Variants in TRPS1 observed in about 807,000 individuals in gnomAD.
TRPS1 encodes the protein zinc finger transcription factor Trps1.
A neutral mutation model predicts 101.2 loss-of-function variants in TRPS1; 6 were observed. That is an observed-to-expected ratio of 0.06 (90% CI 0.03 to 0.12). The LOEUF (loss-of-function observed/expected upper bound fraction) is 0.12. Among genes scored for constraint, TRPS1 ranks in the 10% least tolerant of loss-of-function variants. The pLI, the probability that TRPS1 is intolerant of heterozygous loss-of-function variation, is 1.00. For missense variants in TRPS1, 1,363 were observed against 1,567.0 expected (o/e 0.87, Z 2.20); for synonymous variants, 578 against 589.8 (o/e 0.98, Z 0.29).
At chr8:115,640,735 G>A (rs1462784893) in intron 1 of TRPS1, among the ~76,000 whole-genome samples, 3 of 152,240 alleles carry the variant, frequency 2.0e-5, no homozygotes, top group Non-Finnish European at 2.9e-5. Flanking sequence ...ATCCGTAAGT[G>A]TTGAAGGGCG....
At position 115,512,700 on chromosome 8, in the gene TRPS1, A is replaced by T. The variant is rs138185501; in HGVS notation, c.2700+74301T>A. On this transcript the variant is annotated intron_variant, in intron 5 of 6. Transcript: ENST00000395715. ...TCTATCATACTCTTAGATTTTGGTCAAAACTTACTCCATTAAAGTTTGTGT... is the reference window on the plus strand; with the variant it reads ...TCTATCATACTCTTAGATTTTGGTCTAAACTTACTCCATTAAAGTTTGTGT... 2.0e-5 allele frequency among the ~76,000 whole-genome samples: 3 copies of T among 151,750 alleles called. No individual in the cohort carries two copies. The East Asian group carries it at 5.8e-4, about 29-fold the overall frequency.
rs1327035948 is a variant in TRPS1, at chr8:115,418,642, GAT to G, written c.2701-192_2701-191del. Among the ~76,000 whole-genome samples, 4 of 152,188 alleles carry G rather than the reference GAT, an allele frequency of 2.6e-5. No homozygotes were observed. Among genetic ancestry groups the G allele is most frequent in the Non-Finnish European group, 5.9e-5 (4 of 68,040 alleles). On this transcript the variant is annotated intron_variant, in intron 5 of 6. Coordinates refer to ENST00000395715, the MANE Select transcript of TRPS1 (RefSeq NM_014112.5). The surrounding 1 kb of genome is among the most constrained non-coding windows in gnomAD (Gnocchi z 4.3). ...TTTTCATTATAATTAACCCTACAGT[GAT>G]GGATGAGGTGTGTGGAACACCAAAG...
chr8:115,432,264 T>A (rs1813338719), intron 5 of TRPS1, among the ~76,000 whole-genome samples: 1 of 151,794 alleles, frequency 6.6e-6, no homozygotes, highest in African/African-American at 2.4e-5. Context: ...TATTTATGCA[T>A]AATTTTAAAA....
chr8:115,421,372 C>T (rs1813049995), intron 5 of TRPS1, among the ~76,000 whole-genome samples: 1 of 152,160 alleles, frequency 6.6e-6, no homozygotes, highest in Non-Finnish European at 1.5e-5. Flanking sequence ...CAAGAGGATT[C>T]AACTGTGATT....
intron 5 of TRPS1, among the ~76,000 whole-genome samples, chr8:115,548,067 A>AT (rs1363007268): frequency 2.0e-5 from 3 of 149,922 alleles, no homozygotes; most frequent in Non-Finnish European, 4.4e-5. Context: ...CCATCTCTAC[A>AT]TAAAAAAAAA....
Position 115,506,336 on chromosome 8 carries a change from A to G in TRPS1, c.2700+80665T>C, listed in dbSNP as rs184121337. On this transcript the variant is annotated intron_variant, in intron 5 of 6. Transcript: ENST00000395715. ...GCTCTGAGATGACTACGGTTGAGTA[A>G]TTTATTGTCAAATATAATTGAGAAT... Among the ~76,000 whole-genome samples, 11 of 152,158 alleles carry G rather than the reference A, an allele frequency of 7.2e-5. No individual in the cohort carries two copies. In the East Asian group the frequency reaches 2.1e-3, roughly 29 times the overall value.
chr8:115,554,355 C>T (rs1272521008), intron 5 of TRPS1, among the ~76,000 whole-genome samples: 1 of 152,072 alleles, frequency 6.6e-6, no homozygotes, highest in Non-Finnish European at 1.5e-5. Context: ...ACATCCAGGC[C>T]CTACCTAGGG....
intron 5 of TRPS1, among the ~76,000 whole-genome samples, chr8:115,485,395 C>G (rs1045461350): frequency 6.6e-6 from 1 of 152,158 alleles, no homozygotes; most frequent in African/African-American, 2.4e-5. Context: ...GTAGTGAGAC[C>G]CTGAACAGAA....
Position 115,410,332 on chromosome 8 carries a change from A to AC in TRPS1, c.*3690dup, listed in dbSNP as rs1198081117. The AC allele has an allele frequency of 6.6e-6, 1 of 152,504 alleles. No individual in the cohort carries two copies. Among genetic ancestry groups the AC allele is most frequent in the Admixed American group, 6.6e-5 (1 of 15,234 alleles). The allele number at this position is 152,504 out of a possible 1,614,324, so 9.4% of individuals were successfully genotyped here. On this transcript the variant is annotated 3_prime_UTR_variant, in exon 7 of 7. Coordinates refer to ENST00000395715, the MANE Select transcript of TRPS1 (RefSeq NM_014112.5). ...TGTGCAATTATAAACATAATGTGCT[A>AC]CCACAGGCTTCAACAAAGAGCTGTT...
chr8:115,623,608 A>T lies in TRPS1; in HGVS notation c.30T>A (p.Asp10Glu). 1.2e-6 allele frequency: 2 copies of T among 1,612,156 alleles called. No homozygotes were observed. The highest frequency in any genetic ancestry group is 8.5e-7 in the Non-Finnish European group (1 of 1,179,064). MPYEVNAGY[D>E]FTNMVRKKNP... Reference sequence around the variant, plus strand: ...AAAAAATAGATCACATACTTGTAAAATCATACCCAGCATTGACTTCATAAG... The same window carrying T: ...AAAAAATAGATCACATACTTGTAAATTCATACCCAGCATTGACTTCATAAG... Residue 10 changes from aspartate (D) to glutamate (E), a missense_variant, in exon 2 of 7, where the codon GAT becomes GAA. Coordinates refer to ENST00000395715, the MANE Select transcript of TRPS1 (RefSeq NM_014112.5).
chr8:115,595,213 C>T (rs1817759920), intron 4 of TRPS1, among the ~76,000 whole-genome samples: 1 of 151,778 alleles, frequency 6.6e-6, no homozygotes, highest in African/African-American at 2.4e-5. Flanking sequence ...GGTCTGAAAT[C>T]TAATAAAGTT....
intron 5 of TRPS1, among the ~76,000 whole-genome samples, chr8:115,559,590 T>A (rs1816901121): frequency 1.3e-5 from 2 of 152,126 alleles, no homozygotes; most frequent in African/African-American, 4.8e-5. Context: ...AAAGCCCTGC[T>A]CTCAGCAGAC....
chr8:115,544,230 GC>G (rs1391301694), intron 5 of TRPS1, among the ~76,000 whole-genome samples: 1 of 150,682 alleles, frequency 6.6e-6, no homozygotes, highest in East Asian at 1.9e-4. Context: ...TTAACTCCCA[GC>G]CAGCCACTTG....
intron 1 of TRPS1, chr8:115,668,007 T>G: frequency 9.5e-7 from 1 of 1,049,556 alleles, no homozygotes; most frequent in Non-Finnish European, 1.4e-6. Context: ...AGGAGAGAAT[T>G]AAAATCAGCC....
intron 5 of TRPS1, among the ~76,000 whole-genome samples, chr8:115,457,065 A>C (rs1470207700): frequency 6.6e-6 from 1 of 152,144 alleles, no homozygotes; most frequent in African/African-American, 2.4e-5. Context: ...AAAATGCTCC[A>C]TTCAAATGAT....
At chr8:115,479,598 T>C (rs1814700354) in intron 5 of TRPS1, among the ~76,000 whole-genome samples, 1 of 152,178 alleles carries the variant, frequency 6.6e-6, no homozygotes. Flanking sequence ...CATTTGGGTA[T>C]TTTATAAAAT....
intron 1 of TRPS1, among the ~76,000 whole-genome samples, chr8:115,667,092 G>A (rs1358497149): frequency 6.6e-6 from 1 of 152,166 alleles, no homozygotes; most frequent in African/African-American, 2.4e-5. Flanking sequence ...AACTTTCAAA[G>A]CATCAAATAT....
At chr8:115,569,003 C>A (rs1817137923) in intron 5 of TRPS1, among the ~76,000 whole-genome samples, 1 of 152,114 alleles carries the variant, frequency 6.6e-6, no homozygotes, top group East Asian at 1.9e-4. Context: ...ATCAGATTAG[C>A]CTTTAAGTGA....
chr8:115,501,883 A>G (rs1815328009), intron 5 of TRPS1, among the ~76,000 whole-genome samples: 1 of 152,074 alleles, frequency 6.6e-6, no homozygotes, highest in Admixed American at 6.6e-5. Context: ...TGATCTCCTC[A>G]TATCTGGACA....
Sources: allele counts gnomAD v4.1 joint callset (sites outside exome capture counted in the v4.1 genomes callset), GRCh38; gene constraint gnomAD v4.1.1; non-coding constraint Gnocchi (gnomAD v3.1); transcripts MANE v1.5; gene names NCBI Gene and HGNC (gene_info 2026-07-23, HGNC 2026-07-21).